The following CDH18 variants were observed in gnomAD, a reference collection of about 807,000 sequenced individuals.
CDH18 encodes cadherin 18.
In CDH18, 31 loss-of-function variants were observed where a neutral mutation model predicts 67.9. That is an observed-to-expected ratio of 0.46 (90% CI 0.34 to 0.62). The LOEUF (loss-of-function observed/expected upper bound fraction) is 0.62. Among genes scored for constraint, CDH18 ranks in the 20% least tolerant of loss-of-function variants. The probability of loss-of-function intolerance (pLI) is 0.01; values close to 1 mark genes in which losing one functional copy is unlikely to be tolerated. For synonymous variants in CDH18, 362 were observed against 347.2 expected, an observed-to-expected ratio of 1.04 and a Z score of -0.48; for missense variants, 890 against 975.5, an observed-to-expected ratio of 0.91 and a Z score of 1.17.
chr5:20,523,095 T>G (rs2126527648), intron 1 of CDH18, among the ~76,000 whole-genome samples: 1 of 152,352 alleles, frequency 6.6e-6, no homozygotes, highest in Admixed American at 6.5e-5. Flanking sequence ...CACAGTTGCT[T>G]AATGTGTTTC....
intron 4 of CDH18, among the ~76,000 whole-genome samples, chr5:19,741,323 A>G (rs999709674): frequency 1.4e-5 from 1 of 71,086 alleles, no homozygotes; most frequent in Admixed American, 2.4e-4. Context: ...ATGTGTATAT[A>G]CATGTCTCAC....
At chr5:19,573,135 C>T (rs888560718) in intron 7 of CDH18, among the ~76,000 whole-genome samples, 33 of 152,108 alleles carry the variant, frequency 2.2e-4, no homozygotes, top group African/African-American at 8.0e-4. Flanking sequence ...ATCATATATA[C>T]AATACACATG....
At chr5:20,327,334 A>G (rs1024797545) in intron 1 of CDH18, among the ~76,000 whole-genome samples, 13 of 152,216 alleles carry the variant, frequency 8.5e-5, no homozygotes, top group Non-Finnish European at 1.5e-5. Flanking sequence ...ATGTAGATTT[A>G]CGGAGCAAAT....
intron 2 of CDH18, among the ~76,000 whole-genome samples, chr5:20,041,679 C>T (rs879274839): frequency 2.1e-4 from 31 of 148,404 alleles, no homozygotes; most frequent in Admixed American, 1.3e-3. Context: ...ACTCTCAAAA[C>T]GCACTTTTAA....
chr5:20,465,780 CA>C (rs1227361801), intron 1 of CDH18, among the ~76,000 whole-genome samples: 1 of 151,966 alleles, frequency 6.6e-6, no homozygotes, highest in African/African-American at 2.4e-5. Flanking sequence ...TACTTTGAGT[CA>C]CATTTTAATT....
At chr5:20,481,207 CAAAAA>C (rs541111689) in intron 1 of CDH18, among the ~76,000 whole-genome samples, 1 of 128,730 alleles carries the variant, frequency 7.8e-6, no homozygotes, top group Non-Finnish European at 1.7e-5. Flanking sequence ...CTTTTTAAGC[CAAAAA>C]AAAAAAACAT....
chr5:20,038,433 GC>G (rs1396085777), intron 2 of CDH18, among the ~76,000 whole-genome samples: 1 of 151,732 alleles, frequency 6.6e-6, no homozygotes, highest in Non-Finnish European at 1.5e-5. Flanking sequence ...CTGCATCAAT[GC>G]AAAAATCCTC....
chr5:20,245,181 T>C (rs1006857894), intron 2 of CDH18, among the ~76,000 whole-genome samples: 1 of 152,138 alleles, frequency 6.6e-6, no homozygotes, highest in African/African-American at 2.4e-5. Flanking sequence ...AACTTTATTT[T>C]ACCTTCATAC....
intron 5 of CDH18, among the ~76,000 whole-genome samples, chr5:19,646,154 T>C (rs563706633): frequency 6.6e-6 from 1 of 152,098 alleles, no homozygotes; most frequent in South Asian, 2.1e-4. Context: ...GGTGAACTGG[T>C]TGTAAAGTGA....
intron 1 of CDH18, among the ~76,000 whole-genome samples, chr5:20,341,209 A>G (rs1254673957): frequency 6.6e-6 from 1 of 152,116 alleles, no homozygotes; most frequent in Non-Finnish European, 1.5e-5. Flanking sequence ...GCCAATGTTG[A>G]TTAACATTTG....
At chr5:19,969,344 T>G (rs59702588) in intron 2 of CDH18, among the ~76,000 whole-genome samples, 11,643 of 135,374 alleles carry the variant, frequency 0.086, 1,673 homozygotes, top group African/African-American at 0.32. Flanking sequence ...CCATTACTGG[T>G]TATATACCCA....
chr5:20,534,634 C>T (rs6864533), intron 1 of CDH18, among the ~76,000 whole-genome samples: 26,698 of 151,842 alleles, frequency 0.18, 2,855 homozygotes, highest in East Asian at 0.38. Context: ...ACAGATCTAT[C>T]CTTTATTAAA....
At chr5:19,862,321 C>T (rs1784990586) in intron 2 of CDH18, among the ~76,000 whole-genome samples, 1 of 152,094 alleles carries the variant, frequency 6.6e-6, no homozygotes, top group Admixed American at 6.6e-5. Flanking sequence ...TTCTTTTGCA[C>T]TATATTTTAT....
intron 1 of CDH18, among the ~76,000 whole-genome samples, chr5:20,267,649 T>G (rs1008280486): frequency 6.6e-6 from 1 of 152,188 alleles, no homozygotes; most frequent in African/African-American, 2.4e-5. Context: ...GCATTTTGTT[T>G]TGTTTTGTAG....
chr5:19,598,437 C>T (rs906712577), intron 6 of CDH18, among the ~76,000 whole-genome samples: 1 of 151,864 alleles, frequency 6.6e-6, no homozygotes, highest in African/African-American at 2.4e-5. Flanking sequence ...GAAATTGAAA[C>T]TATTTGGAAA....
intron 1 of CDH18, among the ~76,000 whole-genome samples, chr5:20,346,234 G>T (rs941478266): frequency 6.6e-6 from 1 of 152,124 alleles, no homozygotes; most frequent in African/African-American, 2.4e-5. Context: ...ATGTTATGGA[G>T]CAGAGAGTCT....
At chr5:20,419,467 T>G (rs1310099030) in intron 1 of CDH18, among the ~76,000 whole-genome samples, 1 of 47,174 alleles carries the variant, frequency 2.1e-5, no homozygotes, top group Non-Finnish European at 3.2e-5. Flanking sequence ...ACTCTGTTTT[T>G]TTTTTTTTTT....
At chr5:19,628,864 C>T (rs997271206) in intron 5 of CDH18, among the ~76,000 whole-genome samples, 4 of 151,538 alleles carry the variant, frequency 2.6e-5, no homozygotes, top group African/African-American at 7.3e-5. Context: ...ATACTGGATA[C>T]TGACACATAA....
At chr5:20,279,699 CAAAAAAAAA>C (rs1189257278) in intron 1 of CDH18, among the ~76,000 whole-genome samples, 8 of 13,592 alleles carry the variant, frequency 5.9e-4, no homozygotes, top group Non-Finnish European at 7.7e-4. Context: ...AGCTCTGTCT[CAAAAAAAAA>C]AAAAAAAAAA....
Sources: allele counts gnomAD v4.1 joint callset (sites outside exome capture counted in the v4.1 genomes callset), GRCh38; gene constraint gnomAD v4.1.1; transcripts MANE v1.5; gene names NCBI Gene and HGNC (gene_info 2026-07-23, HGNC 2026-07-21).